The following DAB1 variants were observed in gnomAD, a reference collection of about 807,000 sequenced individuals.
DAB1 encodes the protein DAB adaptor protein 1.
In DAB1, 15 loss-of-function variants were observed where a neutral mutation model predicts 64.6. The observed-to-expected ratio is 0.23, with a 90% CI of 0.16 to 0.36. DAB1 has a LOEUF of 0.36. DAB1 is among the 10% of genes least tolerant of loss of function. DAB1 has a pLI of 1.00. For missense variants in DAB1, 596 were observed against 706.7 expected (o/e 0.84, Z 1.78); for synonymous variants, 235 against 251.9 (o/e 0.93, Z 0.64).
At chr1:57,856,328 C>T (rs1016338273) in intron 1 of DAB1, among the ~76,000 whole-genome samples, 1 of 152,180 alleles carries the variant, frequency 6.6e-6, no homozygotes, top group Non-Finnish European at 1.5e-5. Context: ...TGATGGGCTG[C>T]AATCCCTGTA....
intron 1 of DAB1, among the ~76,000 whole-genome samples, chr1:57,313,930 C>A (rs1391429484): frequency 6.6e-6 from 1 of 152,152 alleles, no homozygotes; most frequent in South Asian, 2.1e-4. Flanking sequence ...CATCTATGAA[C>A]CAGGAAGTGG....
chr1:58,259,256 G>T (rs1660999515), intron 4 of DAB1, among the ~76,000 whole-genome samples: 1 of 152,172 alleles, frequency 6.6e-6, no homozygotes, highest in Non-Finnish European at 1.5e-5. Flanking sequence ...GATTTAGTGG[G>T]TCAGGGAGAT....
intron 5 of DAB1, among the ~76,000 whole-genome samples, chr1:58,132,236 C>A (rs1466472506): frequency 6.6e-6 from 1 of 152,166 alleles, no homozygotes; most frequent in South Asian, 2.1e-4. Flanking sequence ...TGCGGTCCGT[C>A]AGCGATTTCT....
At chr1:58,132,508 A>T (rs1048087373) in intron 5 of DAB1, among the ~76,000 whole-genome samples, 1 of 152,076 alleles carries the variant, frequency 6.6e-6, no homozygotes, top group Non-Finnish European at 1.5e-5. Flanking sequence ...TTTTCAAAAC[A>T]TCAGTCTTAA....
intron 5 of DAB1, among the ~76,000 whole-genome samples, chr1:58,024,680 T>G (rs998340201): frequency 6.6e-6 from 1 of 152,198 alleles, no homozygotes; most frequent in Non-Finnish European, 1.5e-5. Flanking sequence ...AAACATTTGG[T>G]CAAACATTAT....
At chr1:58,116,159 C>G (rs1652323939) in intron 5 of DAB1, among the ~76,000 whole-genome samples, 1 of 152,062 alleles carries the variant, frequency 6.6e-6, no homozygotes, top group Non-Finnish European at 1.5e-5. Context: ...TCTAAGAAAG[C>G]TTTAGCTTTA....
chr1:57,109,696 C>A (rs1655487270), intron 4 of DAB1, among the ~76,000 whole-genome samples: 1 of 152,208 alleles, frequency 6.6e-6, no homozygotes. Context: ...GCTCACCCAA[C>A]CCTCCTCACA....
At chr1:58,148,425 T>G (rs1393217397) in intron 5 of DAB1, among the ~76,000 whole-genome samples, 1 of 152,236 alleles carries the variant, frequency 6.6e-6, no homozygotes, top group East Asian at 1.9e-4. Flanking sequence ...ACCTGAAAGA[T>G]GCTACATGGC....
At chr1:58,514,117 T>G (rs1173534854) in intron 2 of DAB1, among the ~76,000 whole-genome samples, 3 of 152,172 alleles carry the variant, frequency 2.0e-5, no homozygotes, top group Non-Finnish European at 4.4e-5. Context: ...ACTGGAGGCC[T>G]ATGGTAATTG....
intron 1 of DAB1, among the ~76,000 whole-genome samples, chr1:57,305,519 T>C (rs1674062289): frequency 6.6e-6 from 1 of 152,090 alleles, no homozygotes; most frequent in South Asian, 2.1e-4. Context: ...AGAGAGCCCC[T>C]GGAGGGGTGA....
At chr1:58,003,938 G>A (rs183462764) in intron 5 of DAB1, among the ~76,000 whole-genome samples, 4 of 152,148 alleles carry the variant, frequency 2.6e-5, no homozygotes, top group Admixed American at 1.3e-4. Flanking sequence ...GCTTCAGGAC[G>A]GGAAGTGGGG....
chr1:58,047,621 C>G (rs1647324957), intron 5 of DAB1, among the ~76,000 whole-genome samples: 2 of 152,142 alleles, frequency 1.3e-5, no homozygotes, highest in South Asian at 4.1e-4. Context: ...AAAGAGCCAC[C>G]TCTCATTCAC....
At chr1:57,057,716 T>C (rs1241851274) in intron 9 of DAB1, among the ~76,000 whole-genome samples, 1 of 151,740 alleles carries the variant, frequency 6.6e-6, no homozygotes, top group Non-Finnish European at 1.5e-5. Flanking sequence ...CACACCATTC[T>C]CCTGCCTCAG....
chr1:57,706,794 C>G (rs559714447), intron 6 of DAB1, among the ~76,000 whole-genome samples: 1 of 151,930 alleles, frequency 6.6e-6, no homozygotes, highest in Non-Finnish European at 1.5e-5. Flanking sequence ...CATTCCAGGC[C>G]GGGCGCGGTG....
rs151191838 is a variant in DAB1 at position 58,136,346 on chromosome 1, C to T, written n.387+14165G>A. 5.7e-3 allele frequency among the ~76,000 whole-genome samples: 867 copies of T among 152,222 alleles called. 6 individuals are homozygous for T. The highest frequency in any genetic ancestry group is 0.019 in the African/African-American group (803 of 41,538). On this transcript the variant is annotated intron_variant and non_coding_transcript_variant, in intron 5 of 20. Transcript: ENST00000485760. ...ATTCTGGGACTGAGGTCTCTTCCTACGCTGCCGAAGTATTTTCATATGTCC... is the reference window on the plus strand; with the variant it reads ...ATTCTGGGACTGAGGTCTCTTCCTATGCTGCCGAAGTATTTTCATATGTCC...
chr1:57,953,844 C>A (rs915774176), intron 5 of DAB1, among the ~76,000 whole-genome samples: 1 of 152,148 alleles, frequency 6.6e-6, no homozygotes, highest in Admixed American at 6.6e-5. Context: ...GCTGGCCTTA[C>A]CCTATGGCTA....
chr1:57,180,835 C>T (rs1218375752), intron 2 of DAB1, among the ~76,000 whole-genome samples: 3 of 152,184 alleles, frequency 2.0e-5, no homozygotes, highest in Non-Finnish European at 4.4e-5. Context: ...CCTCTTAACA[C>T]CTCCTGTCTC....
chr1:58,416,406 G>T (rs967077317), intron 3 of DAB1, among the ~76,000 whole-genome samples: 3 of 152,118 alleles, frequency 2.0e-5, no homozygotes, highest in African/African-American at 7.2e-5. Context: ...ATTAATAATA[G>T]TTATGATTCT....
At chr1:58,139,672 G>A (rs76830883) in intron 5 of DAB1, among the ~76,000 whole-genome samples, 3,066 of 152,248 alleles carry the variant, frequency 0.02, 46 homozygotes, top group Middle Eastern at 0.054. Context: ...ATCATTTACC[G>A]AGCATGGTAC....
Sources: gnomAD v4.1 joint callset for allele counts (sites outside exome capture counted in the v4.1 genomes callset) on GRCh38, gnomAD v4.1.1 for gene constraint, MANE v1.5 for transcripts, NCBI Gene and HGNC (gene_info 2026-07-23, HGNC 2026-07-21) for gene names.